Variants in NEGR1 observed in about 807,000 individuals in gnomAD.
NEGR1 encodes the protein IgLON family member 4.
NEGR1 carries 10 observed loss-of-function variants against 40.9 expected under a neutral mutation model. The ratio of observed to expected loss-of-function variants is 0.24; its 90% confidence interval spans 0.15 to 0.42. NEGR1 has a LOEUF of 0.42. Ranked by LOEUF, NEGR1 falls within the 10% of genes least tolerant of loss-of-function variation. The pLI, the probability that NEGR1 is intolerant of heterozygous loss-of-function variation, is 1.00. For missense variants in NEGR1, 352 were observed against 438.9 expected (o/e 0.80, Z 1.77); for synonymous variants, 185 against 166.8 (o/e 1.11, Z -0.84).
At chr1:72,197,961 C>G (rs138811099) in intron 1 of NEGR1, among the ~76,000 whole-genome samples, 2 of 150,942 alleles carry the variant, frequency 1.3e-5, no homozygotes, top group Admixed American at 1.3e-4. Flanking sequence ...GTCAAGGCCA[C>G]TGTATTGCAC....
chr1:71,713,896 G>C (rs1436334509), intron 3 of NEGR1, among the ~76,000 whole-genome samples: 1 of 152,192 alleles, frequency 6.6e-6, no homozygotes, highest in African/African-American at 2.4e-5. Context: ...GATTAAGAAT[G>C]TGGGCCTCAG....
chr1:71,841,298 G>A (rs567513887), intron 2 of NEGR1, among the ~76,000 whole-genome samples: 10 of 152,142 alleles, frequency 6.6e-5, no homozygotes, highest in Middle Eastern at 3.4e-3. Context: ...TTCAGATGAC[G>A]TTAGGTCTCC....
chr1:71,589,862 ACT>A (rs1355034839), intron 6 of NEGR1, among the ~76,000 whole-genome samples: 11 of 151,750 alleles, frequency 7.2e-5, no homozygotes, highest in Non-Finnish European at 1.3e-4. Context: ...TCCTTCCGTA[ACT>A]CTCCAAAACC....
chr1:71,810,432 A>G (rs1282880752), intron 2 of NEGR1, among the ~76,000 whole-genome samples: 1 of 152,180 alleles, frequency 6.6e-6, no homozygotes, highest in East Asian at 1.9e-4. Context: ...TAATCTAATT[A>G]TAACCATGAA....
chr1:71,844,907 C>G (rs1659355385), intron 2 of NEGR1, among the ~76,000 whole-genome samples: 1 of 152,110 alleles, frequency 6.6e-6, no homozygotes, highest in South Asian at 2.1e-4. Context: ...CCCAGGGGGA[C>G]TATCCAGGAT....
At position 72,140,745 on chromosome 1, in the gene NEGR1, A is replaced by G. The variant is rs184416605; in HGVS notation, c.176+141574T>C. Among the ~76,000 whole-genome samples the G allele has an allele frequency of 5.1e-4, 78 of 152,190 alleles. No homozygotes were observed. The East Asian group carries it at 0.011, about 22-fold the overall frequency. On this transcript the variant is annotated intron_variant, in intron 1 of 6. Transcript: ENST00000357731. ...TTTGTTAAATGTTAGTGAAGAATAT[A>G]CTCAAAATTATACGTATGTAATTTT...
chr1:71,622,066 T>C (rs1410582182), intron 4 of NEGR1, among the ~76,000 whole-genome samples: 1 of 151,926 alleles, frequency 6.6e-6, no homozygotes, highest in African/African-American at 2.4e-5. Context: ...GAAATAGCTG[T>C]CCCCTTGTAG....
At chr1:72,042,342 G>A (rs2100459329) in intron 1 of NEGR1, among the ~76,000 whole-genome samples, 1 of 151,784 alleles carries the variant, frequency 6.6e-6, no homozygotes. Context: ...CAAAACTACC[G>A]GTTGGGTCAT....
intron 1 of NEGR1, among the ~76,000 whole-genome samples, chr1:72,231,030 A>C (rs1358384086): frequency 6.6e-6 from 1 of 152,174 alleles, no homozygotes; most frequent in Admixed American, 6.6e-5. Flanking sequence ...GTCCACATCA[A>C]TGATTCATGT....
chr1:71,740,400 A>T (rs79404144), intron 3 of NEGR1, among the ~76,000 whole-genome samples: 6,695 of 152,270 alleles, frequency 0.044, 208 homozygotes, highest in East Asian at 0.14. Flanking sequence ...AAATATGATC[A>T]AAGAGAGGAA....
At chr1:71,694,719 G>A (rs942649731) in intron 4 of NEGR1, among the ~76,000 whole-genome samples, 1 of 151,682 alleles carries the variant, frequency 6.6e-6, no homozygotes, top group Non-Finnish European at 1.5e-5. Context: ...AAATTTCAGG[G>A]AACCTAAATC....
rs12134446 is a variant in NEGR1, at chr1:71,495,988, G to A, written c.941-88418C>T. ...TTTTTGATAGCAGTTTATTTCAGAG[G>A]CTTCATACTTTGGGAATAGGTCTCT... On this transcript the variant is annotated intron_variant, in intron 6 of 6. Transcript: ENST00000357731. 3.2e-3 allele frequency among the ~76,000 whole-genome samples: 493 copies of A among 152,192 alleles called. 6 individuals carry two copies. The highest frequency in any genetic ancestry group is 2.8e-3 in the Non-Finnish European group (193 of 67,994).
chr1:72,097,576 G>A (rs1424645957), intron 1 of NEGR1, among the ~76,000 whole-genome samples: 5 of 152,150 alleles, frequency 3.3e-5, no homozygotes, highest in African/African-American at 1.2e-4. Context: ...TGGGCCTTAA[G>A]TTCAAAAACG....
At chr1:71,531,895 G>C (rs924169232) in intron 6 of NEGR1, among the ~76,000 whole-genome samples, 9 of 151,010 alleles carry the variant, frequency 6.0e-5, no homozygotes, top group African/African-American at 1.9e-4. Context: ...ATTTTTGATT[G>C]ATTACAATTT....
intron 1 of NEGR1, among the ~76,000 whole-genome samples, chr1:72,097,414 G>A (rs1462827302): frequency 5.3e-5 from 8 of 152,120 alleles, no homozygotes; most frequent in Non-Finnish European, 1.2e-4. Context: ...AGGAAAGACT[G>A]CCAGGCTTTC....
chr1:72,174,879 G>A (rs1326519883), intron 1 of NEGR1, among the ~76,000 whole-genome samples: 1 of 152,062 alleles, frequency 6.6e-6, no homozygotes, highest in Non-Finnish European at 1.5e-5. Flanking sequence ...GAAGTCAAGT[G>A]TTCACTCAGC....
At chr1:71,829,499 T>A (rs895000598) in intron 2 of NEGR1, among the ~76,000 whole-genome samples, 1 of 151,832 alleles carries the variant, frequency 6.6e-6, no homozygotes, top group Non-Finnish European at 1.5e-5. Flanking sequence ...CTGCAATACC[T>A]CAGGCCTAGA....
At chr1:71,713,230 C>G (rs971083247) in intron 3 of NEGR1, among the ~76,000 whole-genome samples, 1 of 152,168 alleles carries the variant, frequency 6.6e-6, no homozygotes, top group South Asian at 2.1e-4. Context: ...TATTGAGGTC[C>G]TTTTCTGCCA....
chr1:72,221,059 C>G (rs1374328247), intron 1 of NEGR1, among the ~76,000 whole-genome samples: 1 of 151,920 alleles, frequency 6.6e-6, no homozygotes, highest in Non-Finnish European at 1.5e-5. Context: ...ATAAAGATGT[C>G]AGCATGGTTG....
Sources: gnomAD v4.1 joint callset for allele counts (sites outside exome capture counted in the v4.1 genomes callset) on GRCh38, gnomAD v4.1.1 for gene constraint, MANE v1.5 for transcripts, NCBI Gene and HGNC (gene_info 2026-07-23, HGNC 2026-07-21) for gene names.